Variants in FAM171A1 observed in about 807,000 individuals in gnomAD.
FAM171A1 encodes protein FAM171A1.
A neutral mutation model predicts 74.9 loss-of-function variants in FAM171A1; 23 were observed. The observed-to-expected ratio is 0.31, with a 90% confidence interval of 0.22 to 0.44. The LOEUF (loss-of-function observed/expected upper bound fraction) is 0.44. Among genes scored for constraint, FAM171A1 ranks in the 20% least tolerant of loss-of-function variants. FAM171A1 has a pLI of 1.00. For missense variants in FAM171A1, 1,162 were observed against 1,159.2 expected (o/e 1.00, Z -0.03); for synonymous variants, 527 against 505.7 (o/e 1.04, Z -0.57).
At chr10:15,260,467 T>C (rs1400745489) in intron 3 of FAM171A1, among the ~76,000 whole-genome samples, 1 of 152,190 alleles carries the variant, frequency 6.6e-6, no homozygotes, top group Non-Finnish European at 1.5e-5. Flanking sequence ...GCCTGTCTCA[T>C]AATATGGCTG....
At chr10:15,226,773 C>T (rs76556734) in intron 5 of FAM171A1, among the ~76,000 whole-genome samples, 3,690 of 152,146 alleles carry the variant, frequency 0.024, 257 homozygotes, top group East Asian at 0.17. Context: ...TTTGCTCTTG[C>T]GCTGAATACT....
chr10:15,336,466 C>A (rs75974906), intron 1 of FAM171A1, among the ~76,000 whole-genome samples: 1,844 of 152,168 alleles, frequency 0.012, 38 homozygotes, highest in African/African-American at 0.042. Flanking sequence ...GAGCACAAAA[C>A]CACACACAGT....
intron 1 of FAM171A1, among the ~76,000 whole-genome samples, chr10:15,299,466 T>C (rs1383953557): frequency 6.6e-6 from 1 of 151,094 alleles, no homozygotes; most frequent in Admixed American, 6.7e-5. Flanking sequence ...TCTATAGATA[T>C]GCATTTACAG....
chr10:15,344,570 C>T (rs1835798950), intron 1 of FAM171A1, among the ~76,000 whole-genome samples: 1 of 152,132 alleles, frequency 6.6e-6, no homozygotes, highest in African/African-American at 2.4e-5. Context: ...TGCCCAGGTA[C>T]ATTCAAATTT....
chr10:15,299,005 C>T (rs951187375), intron 1 of FAM171A1, among the ~76,000 whole-genome samples: 1 of 152,206 alleles, frequency 6.6e-6, no homozygotes, highest in African/African-American at 2.4e-5. Flanking sequence ...ACTGCAACCT[C>T]TACCTCCCAG....
intron 1 of FAM171A1, among the ~76,000 whole-genome samples, chr10:15,304,236 T>G (rs1835266722): frequency 6.6e-6 from 1 of 152,202 alleles, no homozygotes; most frequent in Non-Finnish European, 1.5e-5. Context: ...GTATATTAAT[T>G]GTGTCTTTGT....
intron 3 of FAM171A1, among the ~76,000 whole-genome samples, chr10:15,261,613 G>C (rs1345097751): frequency 1.3e-5 from 2 of 152,234 alleles, no homozygotes; most frequent in African/African-American, 2.4e-5. Context: ...AAGAGAGAGA[G>C]TGGCCAGCTG....
At chr10:15,372,763 C>A (rs1423938265), upstream of FAM171A1, among the ~76,000 whole-genome samples, 8 of 150,564 alleles carry the variant, frequency 5.3e-5, no homozygotes, top group South Asian at 2.2e-4. Flanking sequence ...AAAACAAAAC[C>A]AAACCTCTAG....
chr10:15,284,251 A>G, intron 1 of FAM171A1, 146 bp from the exon 2 acceptor site: 1 of 718,376 alleles, frequency 1.4e-6, no homozygotes, highest in Admixed American at 2.9e-5. Context: ...TACCAGAGAC[A>G]TTTTCTCCTT....
chr10:15,249,750 A>T (rs1834484681), intron 4 of FAM171A1, among the ~76,000 whole-genome samples: 1 of 152,200 alleles, frequency 6.6e-6, no homozygotes. Context: ...TATACCAATT[A>T]TTTTCCATTA....
rs1207651709 is a variant in FAM171A1, at chr10:15,371,128, G to T, written c.-76C>A. The T allele has an allele frequency of 3.4e-6, 2 of 589,180 alleles. No individual in the cohort carries two copies. The highest frequency in any genetic ancestry group is 2.9e-4 in the East Asian group (2 of 6,850). The allele number at this position is 589,180 out of a possible 1,614,324, so 36.5% of individuals were successfully genotyped here. A position where few individuals can be genotyped will look rare whatever the true frequency, so the allele number is the denominator to read the frequency against. ...GGCGGCGCGTCACGGGCGGCCGGGC[G>T]CCGCGCCCCCCTCCATGTCGCTGGC... On this transcript the variant is annotated 5_prime_UTR_variant, in exon 1 of 8. Coordinates refer to ENST00000378116, the MANE Select transcript of FAM171A1 (RefSeq NM_001010924.2).
intron 1 of FAM171A1, among the ~76,000 whole-genome samples, chr10:15,364,589 T>G (rs1836036496): frequency 6.6e-6 from 1 of 152,176 alleles, no homozygotes; most frequent in Non-Finnish European, 1.5e-5. Context: ...CATAACAAAT[T>G]ATCAAACAAC....
intron 5 of FAM171A1, among the ~76,000 whole-genome samples, chr10:15,236,339 A>C (rs1322430007): frequency 6.6e-6 from 1 of 151,790 alleles, no homozygotes; most frequent in Non-Finnish European, 1.5e-5. Context: ...AGCAGCGATG[A>C]TGATGATAAG....
intron 1 of FAM171A1, among the ~76,000 whole-genome samples, chr10:15,345,352 G>A (rs1356033748): frequency 6.6e-6 from 1 of 152,190 alleles, no homozygotes; most frequent in Admixed American, 6.5e-5. Flanking sequence ...GGATCACTGT[G>A]CCGTTCCATA....
rs139062245 is a variant in FAM171A1, at chr10:15,239,998, G to A, written c.754+8641C>T. Among the ~76,000 whole-genome samples the A allele has an allele frequency of 5.6e-3, 853 of 152,368 alleles. 4 individuals are homozygous for A. The highest frequency in any genetic ancestry group is 0.019 in the African/African-American group (792 of 41,584). ...ACCTTAAAAAGTTTTGGATTTTGGG[G>A]CATTTCAAACCTTGGATTTTTGGAT... On this transcript the variant is annotated intron_variant, in intron 5 of 7. Transcript: ENST00000378116.
intron 3 of FAM171A1, among the ~76,000 whole-genome samples, chr10:15,268,804 G>A (rs1310225565): frequency 6.6e-6 from 1 of 152,196 alleles, no homozygotes; most frequent in Non-Finnish European, 1.5e-5. Flanking sequence ...CACTTTGGGA[G>A]GCCGAGGTGG....
intron 2 of FAM171A1, among the ~76,000 whole-genome samples, chr10:15,277,430 GC>G (rs1834908422): frequency 6.6e-6 from 1 of 152,138 alleles, no homozygotes; most frequent in African/African-American, 2.4e-5. Context: ...CACCATGTTG[GC>G]CAGGCTGGTT....
At chr10:15,309,502 G>C (rs1284164818) in intron 1 of FAM171A1, among the ~76,000 whole-genome samples, 1 of 152,272 alleles carries the variant, frequency 6.6e-6, no homozygotes, top group African/African-American at 2.4e-5. Context: ...CACTGTGCCT[G>C]GGCAAGTTTA....
At chr10:15,362,945 T>C (rs572136472) in intron 1 of FAM171A1, among the ~76,000 whole-genome samples, 4 of 152,204 alleles carry the variant, frequency 2.6e-5, no homozygotes, top group Non-Finnish European at 5.9e-5. Context: ...ATCAAGCTTA[T>C]GCAAAAAATA....
Sources: gnomAD v4.1 joint callset for allele counts (sites outside exome capture counted in the v4.1 genomes callset) on GRCh38, gnomAD v4.1.1 for gene constraint, MANE v1.5 for transcripts, NCBI Gene and HGNC (gene_info 2026-07-23, HGNC 2026-07-21) for gene names.